Variants in LIN52 observed in about 807,000 individuals in gnomAD.
The protein encoded by LIN52 is lin-52 DREAM MuvB core complex component, also known as protein lin-52 homolog.
LIN52 carries 4 observed loss-of-function variants against 18.5 expected under a neutral mutation model. That is an observed-to-expected ratio of 0.22 (90% CI 0.11 to 0.49). The LOEUF (loss-of-function observed/expected upper bound fraction) is 0.49, where lower values mean the gene tolerates loss of function less well. LIN52 is among the 20% of genes least tolerant of loss of function. The pLI is 0.97. For synonymous variants in LIN52, 34 were observed against 45.5 expected (o/e 0.75, Z 1.02); for missense variants, 102 against 139.5 (o/e 0.73, Z 1.35).
intron 1 of LIN52, among the ~76,000 whole-genome samples, chr14:74,086,642 G>A (rs1325815931): frequency 6.6e-6 from 1 of 151,620 alleles, no homozygotes; most frequent in African/African-American, 2.4e-5. Context: ...GTGACAAAGC[G>A]AGACCCCGTC....
At chr14:74,125,545 A>T (rs577127808) in intron 5 of LIN52, among the ~76,000 whole-genome samples, 1 of 151,886 alleles carries the variant, frequency 6.6e-6, no homozygotes, top group African/African-American at 2.4e-5. Flanking sequence ...GATTGCAAAA[A>T]TTTTCTCCCA....
chr14:74,095,132 A>G (rs1242788357), intron 2 of LIN52, among the ~76,000 whole-genome samples: 1 of 144,388 alleles, frequency 6.9e-6, no homozygotes, highest in Non-Finnish European at 1.5e-5. Flanking sequence ...GGTGTGCATT[A>G]CCATGCCCAA....
intron 5 of LIN52, among the ~76,000 whole-genome samples, chr14:74,119,612 G>A (rs1439160810): frequency 6.6e-6 from 1 of 152,174 alleles, no homozygotes; most frequent in African/African-American, 2.4e-5. Context: ...AGCAATTTCA[G>A]TTGCTCCAAG....
chr14:74,101,551 C>T (rs1177259086), intron 5 of LIN52, among the ~76,000 whole-genome samples: 3 of 151,010 alleles, frequency 2.0e-5, no homozygotes, highest in East Asian at 1.9e-4. Flanking sequence ...CTCCGCCTCC[C>T]GGGTTCACGC....
At chr14:74,144,279 AT>A (rs753886362) in intron 5 of LIN52, among the ~76,000 whole-genome samples, 2,646 of 144,254 alleles carry the variant, frequency 0.018, 66 homozygotes, top group African/African-American at 0.059. Flanking sequence ...CACCCAGCTA[AT>A]TTTTTTTTTT....
chr14:74,193,805 A>G (rs4903203), intron 5 of LIN52, among the ~76,000 whole-genome samples: 91,874 of 152,038 alleles, frequency 0.6, 28,819 homozygotes, highest in Admixed American at 0.69. Flanking sequence ...ACAATATTAC[A>G]TTGTCTCCTT....
chr14:74,094,479 A>C (rs2139857102), intron 2 of LIN52, among the ~76,000 whole-genome samples: 1 of 151,954 alleles, frequency 6.6e-6, no homozygotes, highest in South Asian at 2.1e-4. Flanking sequence ...GACTGGTCTC[A>C]GACTCCTGGG....
chr14:74,150,731 G>A (rs553115939), intron 5 of LIN52, among the ~76,000 whole-genome samples: 19 of 152,180 alleles, frequency 1.2e-4, no homozygotes, highest in Non-Finnish European at 2.4e-4. Flanking sequence ...CACTCTAAGG[G>A]CTAATAGCCA....
At chr14:74,122,045 C>T (rs947287904) in intron 5 of LIN52, among the ~76,000 whole-genome samples, 2 of 152,102 alleles carry the variant, frequency 1.3e-5, no homozygotes, top group African/African-American at 4.8e-5. Flanking sequence ...AAAGAATTCA[C>T]ACTAGTAATG....
intron 5 of LIN52, among the ~76,000 whole-genome samples, chr14:74,115,751 A>G (rs1165357404): frequency 1.3e-5 from 2 of 152,238 alleles, no homozygotes; most frequent in African/African-American, 4.8e-5. Context: ...AAATTAGGAT[A>G]TACAAATCTT....
At position 74,176,224 on chromosome 14, in the gene LIN52, G is replaced by T. The variant is rs146383678; in HGVS notation, c.284-22698G>T. On this transcript the variant is annotated intron_variant, in intron 5 of 5. Coordinates refer to ENST00000555028, the MANE Select transcript of LIN52 (RefSeq NM_001024674.3). The stretch of plus-strand genomic sequence containing the variant: ...GTCACCCAGGCTAGAGTGCAGTGGC[G>T]CAATCTCGGCTCACTGAAACTTCCA... 1.0e-2 allele frequency among the ~76,000 whole-genome samples: 1,517 copies of T among 152,112 alleles called. 28 individuals are homozygous for T. Among genetic ancestry groups the T allele is most frequent in the African/African-American group, 0.034 (1,419 of 41,468 alleles).
chr14:74,145,853 T>C (rs536608965), intron 5 of LIN52, among the ~76,000 whole-genome samples: 19 of 152,226 alleles, frequency 1.2e-4, no homozygotes, highest in Non-Finnish European at 2.4e-4. Context: ...CCTTGCCCTG[T>C]GTCTGAGGGT....
At chr14:74,131,537 C>T (rs1595168688) in intron 5 of LIN52, among the ~76,000 whole-genome samples, 1 of 152,116 alleles carries the variant, frequency 6.6e-6, no homozygotes, top group South Asian at 2.1e-4. Flanking sequence ...CCAGGCTGGT[C>T]TCGAACTCCT....
chr14:74,160,786 T>C (rs2061221106), intron 5 of LIN52, among the ~76,000 whole-genome samples: 1 of 152,208 alleles, frequency 6.6e-6, no homozygotes, highest in South Asian at 2.1e-4. Flanking sequence ...TTTAAGGCAG[T>C]TTATAATCAC....
At chr14:74,130,728 T>C (rs981031418) in intron 5 of LIN52, among the ~76,000 whole-genome samples, 3 of 151,270 alleles carry the variant, frequency 2.0e-5, no homozygotes, top group African/African-American at 7.3e-5. Flanking sequence ...TAGCTGGGAT[T>C]ACAGGCATGT....
At chr14:74,168,323 A>T (rs2061257965) in intron 5 of LIN52, among the ~76,000 whole-genome samples, 1 of 152,126 alleles carries the variant, frequency 6.6e-6, no homozygotes, top group East Asian at 1.9e-4. Flanking sequence ...ATTAATGGAG[A>T]TAGCAATGCT....
At position 74,170,995 on chromosome 14, in the gene LIN52, A is replaced by G. The variant is rs10151682; in HGVS notation, c.284-27927A>G. ...CAGGAGTTTGAGACAAGCCTGGGCA[A>G]CATAGTGAGACTCCGTCTGTACCAA... On this transcript the variant is annotated intron_variant, in intron 5 of 5. Transcript: ENST00000555028. Among the ~76,000 whole-genome samples the G allele has an allele frequency of 7.1e-3, 1,078 of 151,256 alleles. 14 individuals carry two copies. The highest frequency in any genetic ancestry group is 0.025 in the African/African-American group (1,024 of 41,110).
intron 5 of LIN52, among the ~76,000 whole-genome samples, chr14:74,110,168 C>T (rs1019834058): frequency 2.0e-5 from 3 of 152,158 alleles, no homozygotes; most frequent in Non-Finnish European, 4.4e-5. Flanking sequence ...GTTGCTTCTG[C>T]TGATTAATCA....
intron 5 of LIN52, among the ~76,000 whole-genome samples, chr14:74,131,630 T>C (rs2061068655): frequency 6.6e-6 from 1 of 152,248 alleles, no homozygotes; most frequent in Non-Finnish European, 1.5e-5. Context: ...CTTAAACTTT[T>C]TAATACATGC....
Sources: gnomAD v4.1 joint callset for allele counts (sites outside exome capture counted in the v4.1 genomes callset) on GRCh38, gnomAD v4.1.1 for gene constraint, MANE v1.5 for transcripts, NCBI Gene and HGNC (gene_info 2026-07-23, HGNC 2026-07-21) for gene names.